The following POLE2 variants were observed in gnomAD, a reference collection of about 807,000 sequenced individuals.
POLE2 encodes the protein DNA polymerase epsilon 2, accessory subunit, also known as DNA polymerase epsilon subunit 2.
In POLE2, 56 loss-of-function variants were observed where a neutral mutation model predicts 79.4. The ratio of observed to expected loss-of-function variants is 0.71; its 90% CI spans 0.57 to 0.88. The LOEUF is 0.88. Ranked by LOEUF, POLE2 falls within the 40% of genes least tolerant of loss-of-function variation. POLE2 has a pLI of 0.00. For synonymous variants in POLE2, 212 were observed against 214.0 expected (o/e 0.99, Z 0.08); for missense variants, 598 against 638.9 (o/e 0.94, Z 0.69).
chr14:49,686,691 C>T lies in POLE2; in HGVS notation c.68+1445G>A, dbSNP rs146437876. ...TCTATTGCACCCCCTTACCCCAGCA[C>T]GGTGCTTTGCAGCTAACAGATTTAA... On this transcript the variant is annotated intron_variant, in intron 1 of 18. Coordinates refer to ENST00000216367, the MANE Select transcript of POLE2 (RefSeq NM_002692.4). Among the ~76,000 whole-genome samples the T allele has an allele frequency of 2.9e-4, 44 of 152,296 alleles. No individual in the cohort carries two copies. In the East Asian group the frequency reaches 7.9e-3, roughly 27 times the overall value.
intron 3 of POLE2, among the ~76,000 whole-genome samples, chr14:49,678,448 C>T (rs1380044769): frequency 6.6e-6 from 1 of 152,008 alleles, no homozygotes; most frequent in Non-Finnish European, 1.5e-5. Flanking sequence ...TTACGTTCTG[C>T]CTCCAAATCT....
chr14:49,644,987 A>G (rs1883654836), intron 18 of POLE2, among the ~76,000 whole-genome samples: 1 of 149,530 alleles, frequency 6.7e-6, no homozygotes, highest in African/African-American at 2.5e-5. Context: ...GGTTGCAGTG[A>G]GCCGAGACTG....
rs748823900 is a variant in POLE2, at chr14:49,650,451, A to G, written c.1321-10T>C. On this transcript the variant is annotated splice_polypyrimidine_tract_variant and intron_variant, in intron 16 of 18. Transcript: ENST00000216367. ...AGATAGTCTTTACAAACTACAAAAG[A>G]GCACAAAACAAAGCAAACTTCAGTT... 3 of 1,403,128 alleles carry G rather than the reference A, an allele frequency of 2.1e-6. No homozygotes were observed. The South Asian group carries it at 5.5e-5, about 26-fold the overall frequency. 86.9% of individuals were successfully genotyped at this position (1,403,128 alleles called of 1,614,324 possible).
chr14:49,666,118 C>T (rs1019445435), intron 7 of POLE2, among the ~76,000 whole-genome samples: 3 of 152,178 alleles, frequency 2.0e-5, no homozygotes, highest in Non-Finnish European at 2.9e-5. Context: ...TGAGCCACCG[C>T]GCCCAGCCAA....
intron 6 of POLE2, among the ~76,000 whole-genome samples, chr14:49,667,112 C>T (rs1040618017): frequency 1.1e-4 from 16 of 151,590 alleles, no homozygotes; most frequent in African/African-American, 3.9e-4. Context: ...GGTGTGAACC[C>T]GGGAGGCGGA....
intron 3 of POLE2, among the ~76,000 whole-genome samples, chr14:49,679,095 A>G (rs1886513698): frequency 6.6e-5 from 10 of 152,144 alleles, no homozygotes; most frequent in Non-Finnish European, 1.5e-5. Context: ...ACTCCTTTCA[A>G]TCATCTCCAT....
At chr14:49,674,025 C>T in intron 5 of POLE2, 98 bp downstream of exon 5, 1 of 783,824 alleles carries the variant, frequency 1.3e-6, no homozygotes, top group South Asian at 1.5e-5. Context: ...CCACAAAATT[C>T]CATTCTTTAA....
intron 5 of POLE2, among the ~76,000 whole-genome samples, chr14:49,672,501 C>CT (rs34239544): frequency 1.6e-3 from 233 of 141,970 alleles, no homozygotes; most frequent in South Asian, 8.3e-3. Flanking sequence ...CCTCTCCCCT[C>CT]TTTTTTTTTT....
At chr14:49,657,021 G>A (rs1177554215) in intron 10 of POLE2, among the ~76,000 whole-genome samples, 3 of 151,622 alleles carry the variant, frequency 2.0e-5, no homozygotes, top group Non-Finnish European at 4.4e-5. Flanking sequence ...GCTGAGGCAG[G>A]AGAATCGCTT....
chr14:49,663,318 G>A lies in POLE2; in HGVS notation c.752C>T (p.Thr251Ile). ...TATAAACCAAACATTTTAATACCTA[G>A]TAGTACTAGAGGGCTCAGTGGGTGG... ...GFPPTEPSST[T>I]RAYYGNINFF... Residue 251 changes from threonine to isoleucine, a missense_variant, in exon 10 of 19, where the codon ACT becomes ATT. Coordinates refer to ENST00000216367, the MANE Select transcript of POLE2 (RefSeq NM_002692.4). The A allele has an allele frequency of 6.4e-7, 1 of 1,560,958 alleles. No homozygotes were observed. Among genetic ancestry groups the A allele is most frequent in the Non-Finnish European group, 8.8e-7 (1 of 1,138,946 alleles).
chr14:49,669,270 C>A (rs1885703547), intron 6 of POLE2, among the ~76,000 whole-genome samples: 1 of 152,106 alleles, frequency 6.6e-6, no homozygotes, highest in East Asian at 1.9e-4. Context: ...AGGAATCTAC[C>A]TTGGAGGCCA....
chr14:49,686,830 T>C (rs561942652), intron 1 of POLE2, among the ~76,000 whole-genome samples: 6 of 152,282 alleles, frequency 3.9e-5, no homozygotes, highest in African/African-American at 1.4e-4. Context: ...CAAGGACCAA[T>C]TGAACAAAAT....
rs564503501 is a variant in POLE2 at position 49,671,896 on chromosome 14, G to A, written c.417+2227C>T. Among the ~76,000 whole-genome samples the A allele has an allele frequency of 3.3e-5, 5 of 152,310 alleles. 1 individual carries two copies. In the South Asian group the frequency reaches 1.0e-3, roughly 32 times the overall value. On this transcript the variant is annotated intron_variant, in intron 5 of 18. Coordinates refer to ENST00000216367, the MANE Select transcript of POLE2 (RefSeq NM_002692.4). ...TTGAACCCAGGAGGCAGAGGTTACA[G>A]TGAGCCAAGTTTGCACCACTGCACT...
chr14:49,667,526 T>C (rs1885572767), intron 6 of POLE2, among the ~76,000 whole-genome samples: 1 of 152,014 alleles, frequency 6.6e-6, no homozygotes, highest in African/African-American at 2.4e-5. Flanking sequence ...CTGTGCAACT[T>C]TCTTGGCCCA....
In POLE2 at chr14:49,674,183, T is replaced by C. The variant is rs763951956; in HGVS notation, c.357A>G (p.Leu119=). ...CTGCTTTATCTCTTGGTGTTCCAAATAAATTTGGTGCAGGGTGGTTGGTCA... is the reference window on the plus strand; with the variant it reads ...CTGCTTTATCTCTTGGTGTTCCAAACAAATTTGGTGCAGGGTGGTTGGTCA... The part of the protein sequence containing the change: ...LLMTNHPAPN[L]FGTPRDKAEM... The change falls in exon 5 of 19, where the codon TTA becomes TTG. Residue 119 remains leucine, a synonymous_variant. Coordinates refer to ENST00000216367, the MANE Select transcript of POLE2 (RefSeq NM_002692.4). 3.7e-6 allele frequency: 6 copies of C among 1,613,342 alleles called. No homozygotes were observed. The Admixed American group carries it at 5.0e-5, about 13-fold the overall frequency.
chr14:49,668,989 A>G (rs1232349429), intron 6 of POLE2, among the ~76,000 whole-genome samples: 11 of 152,134 alleles, frequency 7.2e-5, no homozygotes, highest in Non-Finnish European at 1.5e-5. Context: ...GTTTATAAAG[A>G]TGAGGTCTTA....
intron 6 of POLE2, 122 bp downstream of exon 6, chr14:49,669,402 T>G: frequency 1.6e-6 from 1 of 610,048 alleles, no homozygotes; most frequent in Non-Finnish European, 2.9e-6. Flanking sequence ...ATGCAGCCCA[T>G]CCAGTTAGCT....
intron 1 of POLE2, among the ~76,000 whole-genome samples, chr14:49,685,789 GTT>G (rs553198026): frequency 6.9e-6 from 1 of 144,240 alleles, no homozygotes; most frequent in Non-Finnish European, 1.5e-5. Context: ...TGGCTGGTTG[GTT>G]TTTTTTTTTG....
chr14:49,671,198 A>G (rs1885863077), intron 5 of POLE2, among the ~76,000 whole-genome samples: 1 of 152,198 alleles, frequency 6.6e-6, no homozygotes, highest in South Asian at 2.1e-4. Context: ...GTGTTTACTG[A>G]GCACCTTCTC....
Sources: allele counts gnomAD v4.1 joint callset (sites outside exome capture counted in the v4.1 genomes callset), GRCh38; gene constraint gnomAD v4.1.1; transcripts MANE v1.5; gene names NCBI Gene and HGNC (gene_info 2026-07-23, HGNC 2026-07-21).